Variants in SCFD2 observed in about 807,000 individuals in gnomAD.
The protein encoded by SCFD2 is sec1 family domain containing 2, also known as sec1 family domain-containing protein 2.
In SCFD2, 54 loss-of-function variants were observed where a neutral mutation model predicts 58.9. The ratio of observed to expected loss-of-function variants is 0.92; its 90% CI spans 0.74 to 1.15. The LOEUF (loss-of-function observed/expected upper bound fraction) is 1.15, where lower values mean the gene tolerates loss of function less well. SCFD2 is among the 50% of genes most tolerant of loss of function. SCFD2 has a pLI of 0.00. For synonymous variants in SCFD2, 321 were observed against 335.9 expected (o/e 0.96, Z 0.49); for missense variants, 805 against 836.6 (o/e 0.96, Z 0.47).
chr4:52,972,294 T>C (rs911735696), intron 5 of SCFD2, among the ~76,000 whole-genome samples: 14 of 152,006 alleles, frequency 9.2e-5, no homozygotes, highest in Non-Finnish European at 2.1e-4. Context: ...GAGACACACA[T>C]AGGCTCAAAA....
chr4:53,265,201 A>G (rs1045748156), intron 4 of SCFD2, among the ~76,000 whole-genome samples: 2 of 152,146 alleles, frequency 1.3e-5, no homozygotes, highest in Admixed American at 6.5e-5. Flanking sequence ...GGGAAATCAG[A>G]TGTTGGGCAG....
At chr4:53,275,507 CA>C (rs1370211865) in intron 3 of SCFD2, among the ~76,000 whole-genome samples, 2 of 152,120 alleles carry the variant, frequency 1.3e-5, no homozygotes, top group Non-Finnish European at 2.9e-5. Flanking sequence ...GTTTCTTTAT[CA>C]GGTTTATTAA....
At chr4:53,107,066 A>C (rs1330213765) in intron 5 of SCFD2, among the ~76,000 whole-genome samples, 2 of 152,238 alleles carry the variant, frequency 1.3e-5, no homozygotes, top group Non-Finnish European at 2.9e-5. Context: ...AGTGGGGGCC[A>C]ATATTCAACA....
At chr4:52,921,568 C>T (rs1409971528) in intron 5 of SCFD2, among the ~76,000 whole-genome samples, 2 of 152,104 alleles carry the variant, frequency 1.3e-5, no homozygotes, top group Admixed American at 6.5e-5. Flanking sequence ...GCTACATTAA[C>T]TCATTAATCG....
rs62338995 is a variant in SCFD2 at position 53,084,003 on chromosome 4, G to A, written c.1561+61330C>T. ...AGCAGAACCACTGATAAGGGTCTAT[G>A]TTCAGAGGTGCACATATTGTCTTGA... On this transcript the variant is annotated intron_variant, in intron 5 of 8. Coordinates refer to ENST00000401642, the MANE Select transcript of SCFD2 (RefSeq NM_152540.4). Among the ~76,000 whole-genome samples the A allele has an allele frequency of 2.7e-3, 407 of 152,300 alleles. 1 individual carries two copies. The highest frequency in any genetic ancestry group is 4.7e-3 in the Non-Finnish European group (317 of 68,036).
In SCFD2 at chr4:53,039,006, C is replaced by T. The variant is rs550475694; in HGVS notation, c.1561+106327G>A. Reference sequence around the variant, plus strand: ...TGCCTAGCCTAAAGTATTTTAATACCGACAAAAATATTTCCTTAAACAGGA... The same window carrying T: ...TGCCTAGCCTAAAGTATTTTAATACTGACAAAAATATTTCCTTAAACAGGA... On this transcript the variant is annotated intron_variant, in intron 5 of 8. Transcript: ENST00000401642. 1.2e-4 allele frequency among the ~76,000 whole-genome samples: 18 copies of T among 152,078 alleles called. No homozygotes were observed. In the South Asian group the frequency reaches 3.3e-3, roughly 28 times the overall value.
At chr4:53,247,299 G>A (rs553417426) in intron 4 of SCFD2, among the ~76,000 whole-genome samples, 20 of 152,302 alleles carry the variant, frequency 1.3e-4, no homozygotes, top group African/African-American at 4.1e-4. Flanking sequence ...GTACACTGTA[G>A]GTGGGAGTGT....
chr4:53,017,620 G>C (rs73250924), intron 5 of SCFD2, among the ~76,000 whole-genome samples: 99 of 152,236 alleles, frequency 6.5e-4, no homozygotes, highest in Non-Finnish European at 1.1e-3. Flanking sequence ...ATTAATGTTT[G>C]GGAAAAATAA....
At chr4:52,995,315 C>T (rs1721718311) in intron 5 of SCFD2, among the ~76,000 whole-genome samples, 1 of 152,146 alleles carries the variant, frequency 6.6e-6, no homozygotes, top group African/African-American at 2.4e-5. Flanking sequence ...CCAAGAGAAT[C>T]TAACGCTGCT....
chr4:53,328,697 C>A (rs1331048515), intron 2 of SCFD2, among the ~76,000 whole-genome samples: 4 of 152,152 alleles, frequency 2.6e-5, no homozygotes, highest in Admixed American at 6.5e-5. Flanking sequence ...TCACTATTAT[C>A]AGCCATCACA....
At chr4:53,055,499 T>C (rs1167935549) in intron 5 of SCFD2, among the ~76,000 whole-genome samples, 1 of 152,024 alleles carries the variant, frequency 6.6e-6, no homozygotes, top group East Asian at 1.9e-4. Flanking sequence ...AACAGGCCCA[T>C]TACAAAACCA....
intron 3 of SCFD2, among the ~76,000 whole-genome samples, chr4:53,303,956 G>A (rs1410727393): frequency 1.6e-5 from 2 of 125,142 alleles, no homozygotes; most frequent in Admixed American, 1.9e-4. Flanking sequence ...CTGTTGTCGG[G>A]TGGGGGGAGG....
chr4:52,889,617 G>A (rs1362234170), intron 7 of SCFD2, among the ~76,000 whole-genome samples: 2 of 152,316 alleles, frequency 1.3e-5, no homozygotes, highest in East Asian at 3.9e-4. Flanking sequence ...TGAACACCTG[G>A]TGTTTATTTT....
At chr4:53,333,531 A>T (rs1171099952) in intron 2 of SCFD2, among the ~76,000 whole-genome samples, 3 of 151,452 alleles carry the variant, frequency 2.0e-5, no homozygotes, top group Non-Finnish European at 4.4e-5. Context: ...TGGTGCTGGG[A>T]AAACTGGCTA....
intron 5 of SCFD2, among the ~76,000 whole-genome samples, chr4:52,937,389 C>T (rs1286130376): frequency 6.6e-6 from 1 of 152,086 alleles, no homozygotes; most frequent in African/African-American, 2.4e-5. Context: ...TGGATGAAGG[C>T]TGGAAAGGAA....
intron 4 of SCFD2, among the ~76,000 whole-genome samples, chr4:53,167,079 CT>C (rs775327879): frequency 2.2e-4 from 33 of 152,314 alleles, no homozygotes; most frequent in Middle Eastern, 3.4e-3. Context: ...ACAACAGCCC[CT>C]TTGCCTAGAC....
intron 5 of SCFD2, among the ~76,000 whole-genome samples, chr4:53,044,912 C>CA (rs1052919474): frequency 0.072 from 1,021 of 14,206 alleles, 138 homozygotes; most frequent in African/African-American, 0.11. Context: ...CCCAACCCCC[C>CA]CCCCCCGCCC....
At chr4:53,012,831 TG>T (rs202218804) in intron 5 of SCFD2, among the ~76,000 whole-genome samples, 9,294 of 108,422 alleles carry the variant, frequency 0.086, 303 homozygotes, top group South Asian at 0.14. Context: ...TGTGTGTGTG[TG>T]TGTGTTTTTT....
chr4:53,104,120 A>AT (rs1490001816), intron 5 of SCFD2, among the ~76,000 whole-genome samples: 1 of 152,164 alleles, frequency 6.6e-6, no homozygotes, highest in African/African-American at 2.4e-5. Flanking sequence ...CTCCTTATTT[A>AT]TTAAGTGTGG....
Sources: gnomAD v4.1 joint callset for allele counts (sites outside exome capture counted in the v4.1 genomes callset) on GRCh38, gnomAD v4.1.1 for gene constraint, MANE v1.5 for transcripts, NCBI Gene and HGNC (gene_info 2026-07-23, HGNC 2026-07-21) for gene names.